PCDHA2: variants seen among roughly 807,000 people sequenced by gnomAD.
PCDHA2 encodes protocadherin alpha-2.
In PCDHA2, 58 loss-of-function variants were observed where a neutral mutation model predicts 66.0. The observed-to-expected ratio is 0.88, with a 90% confidence interval of 0.71 to 1.09. The LOEUF (loss-of-function observed/expected upper bound fraction) is 1.09. PCDHA2 is among the 50% of genes least tolerant of loss of function. The pLI, the probability that PCDHA2 is intolerant of heterozygous loss-of-function variation, is 0.00. For missense variants in PCDHA2, 1,267 were observed against 1,242.3 expected, an observed-to-expected ratio of 1.02 and a Z score of -0.30; for synonymous variants, 634 against 554.0, an observed-to-expected ratio of 1.14 and a Z score of -2.03.
Position 140,994,911 on chromosome 5 carries a change from A to G in PCDHA2, c.2536+12348A>G, listed in dbSNP as rs527704488. Among the ~76,000 whole-genome samples, 14 of 152,340 alleles carry G rather than the reference A, an allele frequency of 9.2e-5. No homozygotes were observed. The East Asian group carries it at 1.7e-3, about 19-fold the overall frequency. On this transcript the variant is annotated intron_variant, in intron 3 of 3. Transcript: ENST00000526136. ...AAATGAGATCAGAAATGTAGACTGGAATCAGATTTTGTAGGACCTTAAACA... is the reference window on the plus strand; with the variant it reads ...AAATGAGATCAGAAATGTAGACTGGGATCAGATTTTGTAGGACCTTAAACA...
At chr5:140,922,139 C>T (rs2080663133) in intron 1 of PCDHA2, among the ~76,000 whole-genome samples, 1 of 151,854 alleles carries the variant, frequency 6.6e-6, no homozygotes, top group South Asian at 2.1e-4. Flanking sequence ...TCTTATCCTC[C>T]ATGAAACTCA....
chr5:140,870,382 C>T, intron 1 of PCDHA2: 1 of 1,614,178 alleles, frequency 6.2e-7, no homozygotes, highest in Non-Finnish European at 8.5e-7. Context: ...GGTGACTGCG[C>T]GGGATGGGGG....
chr5:140,850,670 G>A, intron 1 of PCDHA2: 1 of 1,598,618 alleles, frequency 6.3e-7, no homozygotes, highest in Non-Finnish European at 8.6e-7. Context: ...GGTGCTCGGC[G>A]ATGCCCACCG....
chr5:140,870,829 G>A, intron 1 of PCDHA2: 1 of 1,613,790 alleles, frequency 6.2e-7, no homozygotes, highest in Non-Finnish European at 8.5e-7. Context: ...GGGAGGCGCA[G>A]TTAACAAGCT....
chr5:140,847,155 T>C lies in PCDHA2; in HGVS notation c.2388+49803T>C. On this transcript the variant is annotated intron_variant, in intron 1 of 3. Transcript: ENST00000526136. ...ACCAATGTAAGAAGATCTCTTGATT[T>C]CTGAGTAATAAACTAAAGGGCCATG... is the stretch of plus-strand genomic sequence containing the variant. Among the ~76,000 whole-genome samples, 2 of 149,582 alleles carry C rather than the reference T, an allele frequency of 1.3e-5. 1 individual carries two copies. The highest frequency in any genetic ancestry group is 3.0e-5 in the Non-Finnish European group (2 of 66,904).
intron 1 of PCDHA2, chr5:140,821,666 A>C: frequency 1.6e-6 from 2 of 1,238,068 alleles, no homozygotes; most frequent in South Asian, 1.6e-5. Context: ...CTGTGCCAAG[A>C]AGCTCAGAAA....
At position 140,802,751 on chromosome 5, in the gene PCDHA2, C is replaced by T. The variant is rs957021626; in HGVS notation, c.2388+5399C>T. On this transcript the variant is annotated intron_variant, in intron 1 of 3. Coordinates refer to ENST00000526136, the MANE Select transcript of PCDHA2 (RefSeq NM_018905.3). ...TACACGCGGAGAGCGGCAAGGTGTA[C>T]GCGCTGCAGCCGCTGGACCACGAGG... 2.5e-6 allele frequency: 4 copies of T among 1,612,422 alleles called. No individual in the cohort carries two copies. The African/African-American group carries it at 5.3e-5, about 22-fold the overall frequency.
In PCDHA2 at chr5:140,823,360, C is replaced by T. The variant is rs1470640408; in HGVS notation, c.2388+26008C>T. 9.9e-6 allele frequency: 16 copies of T among 1,612,570 alleles called. No homozygotes were observed. The African/African-American group carries it at 1.7e-4, about 17-fold the overall frequency. The stretch of plus-strand genomic sequence containing the variant: ...GCCGCTGGACCACGAGGAAGTGGAG[C>T]TGCTGCAGTTCCAGGTGAGCGCGCG... On this transcript the variant is annotated intron_variant, in intron 1 of 3. Coordinates refer to ENST00000526136, the MANE Select transcript of PCDHA2 (RefSeq NM_018905.3).
intron 1 of PCDHA2, chr5:140,927,766 G>A: frequency 1.2e-6 from 2 of 1,614,234 alleles, no homozygotes; most frequent in Non-Finnish European, 1.7e-6. Context: ...TAAAAGTGGG[G>A]AGGTGCAAGT....
chr5:140,982,483 A>G lies in PCDHA2; in HGVS notation c.2456A>G (p.His819Arg). Residue 819 changes from histidine (H) to arginine (R), a missense_variant, in exon 3 of 4, where the codon CAC (histidine) becomes CGC (arginine). His to Arg is a conservative substitution (Grantham distance 29, BLOSUM62 0). Transcript: ENST00000526136. ...SLRAGMHSSV[H>R]LEEAGILRAG... ...TCTGTGTGTTTATTCAGCTCTGTGC[A>G]CCTAGAGGAGGCTGGCATTCTACGG... The G allele has an allele frequency of 1.2e-6, 2 of 1,614,142 alleles. No homozygotes were observed. Among genetic ancestry groups the G allele is most frequent in the Non-Finnish European group, 1.7e-6 (2 of 1,180,016 alleles).
intron 1 of PCDHA2, chr5:140,870,789 G>T (rs1554164716): frequency 1.2e-6 from 2 of 1,613,512 alleles, no homozygotes; most frequent in East Asian, 2.2e-5. Context: ...ACAACGCGCC[G>T]GCACTGCTGG....
At chr5:140,945,424 A>T (rs1227744054) in intron 1 of PCDHA2, among the ~76,000 whole-genome samples, 1 of 152,116 alleles carries the variant, frequency 6.6e-6, no homozygotes, top group Non-Finnish European at 1.5e-5. Context: ...ATTTCAATGA[A>T]GTTTTTACAG....
intron 1 of PCDHA2, among the ~76,000 whole-genome samples, chr5:140,954,144 A>G (rs560378033): frequency 2.0e-5 from 3 of 152,232 alleles, no homozygotes; most frequent in Non-Finnish European, 4.4e-5. Flanking sequence ...ATAGTATTCC[A>G]TGGTGTATAT....
At chr5:140,945,178 C>T (rs2093753648) in intron 1 of PCDHA2, among the ~76,000 whole-genome samples, 2 of 151,902 alleles carry the variant, frequency 1.3e-5, no homozygotes, top group Admixed American at 1.3e-4. Flanking sequence ...AAAAATAAAT[C>T]AAGAAAACCA....
chr5:140,830,268 C>A (rs2150183808), intron 1 of PCDHA2: 5 of 1,613,634 alleles, frequency 3.1e-6, no homozygotes, highest in Admixed American at 1.7e-5. Flanking sequence ...TGCTCGGCGC[C>A]ACCCACCGAG....
intron 1 of PCDHA2, chr5:140,814,816 G>C (rs1266855293): frequency 6.6e-6 from 1 of 152,104 alleles, no homozygotes; most frequent in Non-Finnish European, 1.5e-5. Flanking sequence ...TTATTGTATT[G>C]CTATCTATTT....
At chr5:140,950,083 T>C (rs1361884165) in intron 1 of PCDHA2, among the ~76,000 whole-genome samples, 1 of 152,002 alleles carries the variant, frequency 6.6e-6, no homozygotes, top group Non-Finnish European at 1.5e-5. Context: ...GCTTATGCTA[T>C]AGTTTTCATT....
At chr5:140,808,451 G>A (rs781801609) in intron 1 of PCDHA2, 16 of 1,614,210 alleles carry the variant, frequency 9.9e-6, no homozygotes, top group South Asian at 5.5e-5. Flanking sequence ...GTCAGCCTAT[G>A]AGCTGGTGGT....
At chr5:140,872,418 A>G (rs2053650259) in intron 1 of PCDHA2, among the ~76,000 whole-genome samples, 2 of 152,014 alleles carry the variant, frequency 1.3e-5, no homozygotes, top group East Asian at 3.9e-4. Flanking sequence ...CTTGAGCCCA[A>G]GAGTTCGAGG....
Sources: gnomAD v4.1 joint callset for allele counts (sites outside exome capture counted in the v4.1 genomes callset) on GRCh38, gnomAD v4.1.1 for gene constraint, MANE v1.5 for transcripts, NCBI Gene and HGNC (gene_info 2026-07-23, HGNC 2026-07-21) for gene names.